CDH9: variants seen among roughly 807,000 people sequenced by gnomAD.
CDH9 encodes cadherin-9.
A neutral mutation model predicts 70.9 loss-of-function variants in CDH9; 28 were observed. That is an observed-to-expected ratio of 0.40 (90% confidence interval 0.29 to 0.54). The LOEUF (loss-of-function observed/expected upper bound fraction) is 0.54. Among genes scored for constraint, CDH9 ranks in the 20% least tolerant of loss-of-function variants. The pLI, the probability that CDH9 is intolerant of heterozygous loss-of-function variation, is 0.59. For missense variants in CDH9, 874 were observed against 984.4 expected, an observed-to-expected ratio of 0.89 and a Z score of 1.50; for synonymous variants, 409 against 343.1, an observed-to-expected ratio of 1.19 and a Z score of -2.12.
intron 2 of CDH9, among the ~76,000 whole-genome samples, chr5:26,917,061 C>A (rs911737892): frequency 3.3e-5 from 5 of 151,714 alleles, no homozygotes; most frequent in African/African-American, 1.2e-4. Context: ...CTAGGAATTA[C>A]GAATTGAAAA....
chr5:26,956,155 G>A (rs931854144), intron 2 of CDH9, among the ~76,000 whole-genome samples: 6 of 152,178 alleles, frequency 3.9e-5, no homozygotes, highest in Non-Finnish European at 7.4e-5. Flanking sequence ...GTCTTGGGAG[G>A]GAACTGGTGG....
intron 7 of CDH9, among the ~76,000 whole-genome samples, chr5:26,891,592 C>G (rs1461259069): frequency 6.6e-6 from 1 of 152,098 alleles, no homozygotes; most frequent in Non-Finnish European, 1.5e-5. Flanking sequence ...GCAGGAGAAT[C>G]ACTTGAACCC....
chr5:26,935,557 C>G (rs776763725), intron 2 of CDH9, among the ~76,000 whole-genome samples: 4 of 152,110 alleles, frequency 2.6e-5, no homozygotes, highest in Non-Finnish European at 5.9e-5. Context: ...CAATGAGATA[C>G]TAGTTTACTT....
intron 1 of CDH9, among the ~76,000 whole-genome samples, chr5:27,007,996 C>T (rs939218493): frequency 1.3e-5 from 2 of 151,892 alleles, no homozygotes; most frequent in Admixed American, 6.6e-5. Context: ...ATTTGGATAA[C>T]TGTGTAATTT....
Position 26,889,840 on chromosome 5 carries a change from C to T in CDH9, c.1508G>A (p.Gly503Glu), listed in dbSNP as rs1319688258. The T allele has an allele frequency of 1.9e-6, 3 of 1,570,216 alleles. No individual in the cohort carries two copies. The highest frequency in any genetic ancestry group is 2.6e-6 in the Non-Finnish European group (3 of 1,145,938). ...GTTTTTAATGATTTTATTTACCTGC[C>T]CAGGTTTTGCATTTTCACAAACAAA... ...ETFVCENAKPGQLIQTVSVMD... is the reference protein window; with the variant it reads ...ETFVCENAKPEQLIQTVSVMD... The change falls in exon 9 of 12, where the codon GGG becomes GAG. Residue 503 changes from glycine to glutamate, a missense_variant. Gly to Glu is a moderately conservative substitution (Grantham distance 98, BLOSUM62 -2). Coordinates refer to ENST00000231021, the MANE Select transcript of CDH9 (RefSeq NM_016279.4).
chr5:26,939,527 AAAT>A (rs1158261899), intron 2 of CDH9, among the ~76,000 whole-genome samples: 1 of 151,770 alleles, frequency 6.6e-6, no homozygotes, highest in African/African-American at 2.4e-5. Flanking sequence ...TACAGTGACA[AAAT>A]AATGATTATA....
At chr5:26,955,198 T>C (rs904163545) in intron 2 of CDH9, among the ~76,000 whole-genome samples, 2 of 152,220 alleles carry the variant, frequency 1.3e-5, no homozygotes, top group African/African-American at 4.8e-5. Flanking sequence ...AAATGTTTTA[T>C]CTCCTCTTCT....
intron 1 of CDH9, among the ~76,000 whole-genome samples, chr5:27,018,758 T>C (rs956889316): frequency 9.2e-5 from 14 of 151,968 alleles, no homozygotes; most frequent in Non-Finnish European, 1.8e-4. Context: ...AAAATTCGTG[T>C]CAGGGTAGTA....
At chr5:26,915,969 T>A in intron 2 of CDH9, 45 bp from the exon 3 acceptor site, 1 of 1,316,028 alleles carries the variant, frequency 7.6e-7, no homozygotes, top group Non-Finnish European at 1.1e-6. Flanking sequence ...ATATACATTA[T>A]CATTACATAA....
Position 26,923,182 on chromosome 5 carries a change from A to G in CDH9, c.229-7258T>C, listed in dbSNP as rs75643195. On this transcript the variant is annotated intron_variant, in intron 2 of 11. Transcript: ENST00000231021. Reference sequence around the variant, plus strand: ...TATTCAGGAAACACTACATCTATGAAGACACACATTGACAGAAAATAAAGG... The same window carrying G: ...TATTCAGGAAACACTACATCTATGAGGACACACATTGACAGAAAATAAAGG... Among the ~76,000 whole-genome samples the G allele has an allele frequency of 4.5e-3, 675 of 151,678 alleles. 5 individuals are homozygous for G. Among genetic ancestry groups the G allele is most frequent in the African/African-American group, 0.016 (650 of 41,488 alleles).
chr5:26,923,087 C>CA (rs1741274394), intron 2 of CDH9, among the ~76,000 whole-genome samples: 4 of 83,588 alleles, frequency 4.8e-5, no homozygotes, highest in Non-Finnish European at 7.7e-5. Flanking sequence ...AAAAAAAAAA[C>CA]ACAAAAAAAA....
intron 2 of CDH9, among the ~76,000 whole-genome samples, chr5:26,957,014 T>C (rs1741957809): frequency 6.6e-6 from 1 of 151,148 alleles, no homozygotes; most frequent in Non-Finnish European, 1.5e-5. Context: ...TTTTTTTTTT[T>C]TCATTTCACT....
intron 7 of CDH9, among the ~76,000 whole-genome samples, chr5:26,893,808 G>A (rs1356912551): frequency 6.6e-6 from 1 of 151,974 alleles, no homozygotes; most frequent in Non-Finnish European, 1.5e-5. Context: ...TAGTAAAATT[G>A]AGCATGCAAG....
intron 2 of CDH9, among the ~76,000 whole-genome samples, chr5:26,986,255 C>T (rs1334323037): frequency 6.6e-6 from 1 of 151,782 alleles, no homozygotes; most frequent in African/African-American, 2.4e-5. Flanking sequence ...TTCATAACCC[C>T]GTTGTCAAGA....
At chr5:27,032,576 C>T (rs1579524382) in intron 1 of CDH9, among the ~76,000 whole-genome samples, 1 of 151,536 alleles carries the variant, frequency 6.6e-6, no homozygotes, top group African/African-American at 2.4e-5. Flanking sequence ...ATTCCACTCC[C>T]TGCTTAATAC....
At chr5:26,971,972 G>A (rs1419890268) in intron 2 of CDH9, among the ~76,000 whole-genome samples, 1 of 152,146 alleles carries the variant, frequency 6.6e-6, no homozygotes, top group East Asian at 1.9e-4. Flanking sequence ...GGAAAGTGAA[G>A]TGATTAAATG....
intron 2 of CDH9, among the ~76,000 whole-genome samples, chr5:26,953,591 C>T (rs1210161210): frequency 6.6e-6 from 1 of 152,146 alleles, no homozygotes; most frequent in African/African-American, 2.4e-5. Flanking sequence ...CTTGCATTCC[C>T]AACAATGTCA....
At chr5:26,918,311 C>T (rs1300817900) in intron 2 of CDH9, among the ~76,000 whole-genome samples, 1 of 152,022 alleles carries the variant, frequency 6.6e-6, no homozygotes, top group African/African-American at 2.4e-5. Flanking sequence ...GAGGCCTTTC[C>T]TGACTCACTA....
chr5:26,934,324 G>A (rs1430016359), intron 2 of CDH9, among the ~76,000 whole-genome samples: 1 of 152,042 alleles, frequency 6.6e-6, no homozygotes, highest in Admixed American at 6.6e-5. Context: ...AAATTAATCA[G>A]GCATTGTGGT....
Sources: allele counts gnomAD v4.1 joint callset (sites outside exome capture counted in the v4.1 genomes callset), GRCh38; gene constraint gnomAD v4.1.1; transcripts MANE v1.5; gene names NCBI Gene and HGNC (gene_info 2026-07-23, HGNC 2026-07-21).